ANO1: variants seen among roughly 807,000 people sequenced by gnomAD.
ANO1 encodes anoctamin 1, also known as anoctamin-1.
Under a neutral mutation model 124.0 loss-of-function variants are expected in ANO1, and 59 were observed. The observed-to-expected ratio is 0.48, with a 90% CI of 0.39 to 0.59. The LOEUF is 0.59. ANO1 is among the 20% of genes least tolerant of loss of function. ANO1 has a pLI of 0.00. For missense variants in ANO1, 1,059 were observed against 1,328.0 expected (o/e 0.80, Z 3.15); for synonymous variants, 529 against 532.0 (o/e 0.99, Z 0.08).
At position 70,188,313 on chromosome 11, in the gene ANO1, G is replaced by T; in HGVS notation, c.*309G>T. On this transcript the variant is annotated 3_prime_UTR_variant, in exon 26 of 26. Transcript: ENST00000355303. ...TTGCAGAAAGAATGCTTGGAAACTT[G>T]AGTCTCCCTAGAGGTGAAAAGTGAG... 1 of 419,640 alleles carries T rather than the reference G, an allele frequency of 2.4e-6. No homozygotes were observed. The highest frequency in any genetic ancestry group is 4.5e-5 in the East Asian group (1 of 22,070). The allele number at this position is 419,640 out of a possible 1,614,324, so 26.0% of individuals were successfully genotyped here.
chr11:69,985,813 G>C (rs1856028260), upstream of ANO1: 2 of 152,302 alleles, frequency 1.3e-5, no homozygotes, highest in South Asian at 4.1e-4. Flanking sequence ...CGCGGGGCGG[G>C]GCGAGGGCGG....
intron 4 of ANO1, 91 bp downstream of exon 4, chr11:70,104,241 C>A: frequency 7.2e-7 from 1 of 1,397,418 alleles, no homozygotes. Flanking sequence ...ATTATCTGTC[C>A]CCCAAAGAAG....
At chr11:70,148,800 G>A (rs928791908) in intron 11 of ANO1, among the ~76,000 whole-genome samples, 5 of 152,214 alleles carry the variant, frequency 3.3e-5, no homozygotes, top group Non-Finnish European at 7.4e-5. Flanking sequence ...CCAGGGGAAC[G>A]AGGCCCCATC....
chr11:69,983,195 G>A (rs1855973428), upstream of ANO1, among the ~76,000 whole-genome samples: 1 of 151,998 alleles, frequency 6.6e-6, no homozygotes, highest in Non-Finnish European at 1.5e-5. Context: ...ATCTGATCAT[G>A]CTCCGGCTTG....
chr11:70,067,239 G>A (rs1485708187), intron 1 of ANO1, among the ~76,000 whole-genome samples: 10 of 151,630 alleles, frequency 6.6e-5, no homozygotes, highest in East Asian at 1.9e-4. Context: ...CCCACCTGCC[G>A]TGTCATTTGC....
intron 1 of ANO1, among the ~76,000 whole-genome samples, chr11:69,993,109 G>A (rs1356551366): frequency 6.6e-6 from 1 of 152,078 alleles, no homozygotes; most frequent in African/African-American, 2.4e-5. Context: ...ACACAACCCT[G>A]GGAATGCCAG....
Position 70,116,549 on chromosome 11 carries a change from G to A in ANO1, c.897+50G>A, listed in dbSNP as rs367638256. ...GGTGGCTCTGTCAGAGCCTGGAGGC[G>A]TTCTGGGGCGGGGTGGGCCTGCAGC... On this transcript the variant is annotated intron_variant, in intron 8 of 25. Transcript: ENST00000355303. 195 of 1,549,762 alleles carry A rather than the reference G, an allele frequency of 1.3e-4. 1 individual carries two copies. The highest frequency in any genetic ancestry group is 1.2e-3 in the African/African-American group (86 of 73,286).
chr11:70,147,769 C>A (rs2135608805), intron 11 of ANO1, among the ~76,000 whole-genome samples: 1 of 152,280 alleles, frequency 6.6e-6, no homozygotes, highest in South Asian at 2.1e-4. Flanking sequence ...TTCTTCTGGG[C>A]AGCTCCAATT....
At chr11:69,968,343 TGCCTCTGGGGCCCTCTG>T in the ANO1 span, among the ~76,000 whole-genome samples, 1 of 152,188 alleles carries the variant, frequency 6.6e-6, no homozygotes, top group African/African-American at 2.4e-5. Flanking sequence ...GATGACCCTC[TGCCTCTGGGGCCCTCTG>T]GCCTCCTTTG....
In ANO1 at chr11:70,189,420, G is replaced by A. The variant is rs2049279022; in HGVS notation, c.*1416G>A. 1 of 152,558 alleles carries A rather than the reference G, an allele frequency of 6.6e-6. No homozygotes were observed. The highest frequency in any genetic ancestry group is 1.5e-5 in the Non-Finnish European group (1 of 68,028). 9.5% of individuals were successfully genotyped at this position (152,558 alleles called of 1,614,324 possible). ...ATATAAATACTGTATTAAAAATTAG[G>A]CAATTACCAAAAATCCTTTTATGGA... On this transcript the variant is annotated 3_prime_UTR_variant, in exon 26 of 26. Coordinates refer to ENST00000355303, the MANE Select transcript of ANO1 (RefSeq NM_018043.7).
At chr11:70,137,291 C>T (rs1003239743) in intron 11 of ANO1, among the ~76,000 whole-genome samples, 2 of 145,932 alleles carry the variant, frequency 1.4e-5, no homozygotes, top group African/African-American at 4.9e-5. Flanking sequence ...TTGGCACAGC[C>T]GGGAACTGAA....
intron 1 of ANO1, among the ~76,000 whole-genome samples, chr11:70,003,528 A>G (rs11236276): frequency 0.49 from 73,980 of 151,124 alleles, 19,315 homozygotes; most frequent in East Asian, 0.89. Flanking sequence ...CTGGGAGGGC[A>G]TATCACCCTT....
At chr11:69,995,867 G>A (rs1204901851) in intron 1 of ANO1, among the ~76,000 whole-genome samples, 1 of 152,306 alleles carries the variant, frequency 6.6e-6, no homozygotes, top group Non-Finnish European at 1.5e-5. Flanking sequence ...AGCACTTTGG[G>A]AGGCAGAGGT....
Position 70,087,683 on chromosome 11 carries a change from C to A in ANO1, c.109-69C>A, listed in dbSNP as rs2044437169. The A allele has an allele frequency of 4.3e-6, 6 of 1,391,248 alleles. No homozygotes were observed. The East Asian group carries it at 1.2e-4, about 29-fold the overall frequency. The allele number at this position is 1,391,248 out of a possible 1,614,324, so 86.2% of individuals were successfully genotyped here. A position where few individuals can be genotyped will look rare whatever the true frequency, so the allele number is the denominator to read the frequency against. On this transcript the variant is annotated intron_variant, in intron 1 of 25. Coordinates refer to ENST00000355303, the MANE Select transcript of ANO1 (RefSeq NM_018043.7). The stretch of plus-strand genomic sequence containing the variant: ...GTGAGGAGTGAGTGGATGAAGGGAG[C>A]AGCGCACCCTCCAAAGGCCCATCAC...
In ANO1 at chr11:70,068,960, G is replaced by A. The variant is rs114365576; in HGVS notation, c.59-9582G>A. On this transcript the variant is annotated intron_variant, in intron 1 of 27. Transcript: ENST00000531349. ...GACTCATCCAGCTCCAAGGACCAGGGGGGCCCAGGCCCATGTATTTTCTTA... is the reference window on the plus strand; with the variant it reads ...GACTCATCCAGCTCCAAGGACCAGGAGGGCCCAGGCCCATGTATTTTCTTA... Among the ~76,000 whole-genome samples, 336 of 152,324 alleles carry A rather than the reference G, an allele frequency of 2.2e-3. 2 individuals are homozygous for A. Among genetic ancestry groups the A allele is most frequent in the African/African-American group, 7.6e-3 (318 of 41,576 alleles).
At chr11:70,058,727 T>C (rs1555007244) in intron 1 of ANO1, among the ~76,000 whole-genome samples, 1 of 152,212 alleles carries the variant, frequency 6.6e-6, no homozygotes, top group Non-Finnish European at 1.5e-5. Flanking sequence ...AAAAGTACTG[T>C]CCAGTCCTCT....
intron 6 of ANO1, 93 bp downstream of exon 6, chr11:70,108,497 G>A: frequency 7.0e-7 from 1 of 1,427,406 alleles, no homozygotes; most frequent in African/African-American, 1.4e-5. Context: ...CAGCCGGCTT[G>A]GGGTGTTTAA....
chr11:70,137,091 G>A (rs1316374818), intron 11 of ANO1, among the ~76,000 whole-genome samples: 1 of 147,492 alleles, frequency 6.8e-6, no homozygotes, highest in East Asian at 2.0e-4. Context: ...AAGATTCCCA[G>A]GCCTACAACC....
chr11:70,146,421 A>G (rs531215020), intron 11 of ANO1, among the ~76,000 whole-genome samples: 1 of 152,280 alleles, frequency 6.6e-6, no homozygotes, highest in South Asian at 2.1e-4. Context: ...TGGCCAGTGC[A>G]GAGAGGGCGA....
Sources: allele counts gnomAD v4.1 joint callset (sites outside exome capture counted in the v4.1 genomes callset), GRCh38; gene constraint gnomAD v4.1.1; transcripts MANE v1.5; gene names NCBI Gene and HGNC (gene_info 2026-07-23, HGNC 2026-07-21).